The following PHLPP2 variants were observed in gnomAD, a reference collection of about 807,000 sequenced individuals.
PHLPP2 encodes the protein PH domain and leucine rich repeat protein phosphatase 2, also known as PH domain leucine-rich repeat-containing protein phosphatase 2.
Under a neutral mutation model 124.9 loss-of-function variants are expected in PHLPP2, and 66 were observed. The ratio of observed to expected loss-of-function variants is 0.53; its 90% CI spans 0.43 to 0.65. The LOEUF is 0.65. Among genes scored for constraint, PHLPP2 ranks in the 30% least tolerant of loss-of-function variants. PHLPP2 has a pLI of 0.00. For synonymous variants in PHLPP2, 681 were observed against 624.7 expected (o/e 1.09, Z -1.34); for missense variants, 1,685 against 1,600.4 (o/e 1.05, Z -0.90).
chr16:71,691,460 CAAATAAATAAAT>C (rs57388026), intron 3 of PHLPP2, among the ~76,000 whole-genome samples: 21,277 of 139,336 alleles, frequency 0.15, 1,906 homozygotes, highest in African/African-American at 0.23. Flanking sequence ...GACGCTGTCT[CAAATAAATAAAT>C]AAATAAATAA....
At chr16:71,660,655 C>A (rs1024287763) in intron 13 of PHLPP2, among the ~76,000 whole-genome samples, 1 of 152,000 alleles carries the variant, frequency 6.6e-6, no homozygotes, top group Non-Finnish European at 1.5e-5. Flanking sequence ...CTGCCCACCT[C>A]GGCCTCCCAA....
chr16:71,655,379 A>G lies in PHLPP2; in HGVS notation c.2446T>C (p.Tyr816His), dbSNP rs1177479709. Residue 816 changes from tyrosine (Y) to histidine (H), a missense_variant, in exon 17 of 19, where the codon TAT (tyrosine) becomes CAT (histidine). Transcript: ENST00000568954. Reference protein sequence around the residue: ...DSFAEGVGAVYGMFDGDRNEE... With the variant: ...DSFAEGVGAVHGMFDGDRNEE... ...TTTCGGTCTCCATCAAACATGCCAT[A>G]CACAGCTCCCACCCCCTCTGCAAAG... 7 of 1,614,036 alleles carry G rather than the reference A, an allele frequency of 4.3e-6. No individual in the cohort carries two copies. The highest frequency in any genetic ancestry group is 5.9e-6 in the Non-Finnish European group (7 of 1,180,014).
At chr16:71,717,024 C>T (rs1280090880) in intron 1 of PHLPP2, among the ~76,000 whole-genome samples, 1 of 152,186 alleles carries the variant, frequency 6.6e-6, no homozygotes, top group African/African-American at 2.4e-5. Flanking sequence ...GCTGACATCA[C>T]AGAAACCTAT....
intron 10 of PHLPP2, 56 bp downstream of exon 10, chr16:71,672,206 C>T: frequency 2.3e-6 from 3 of 1,311,266 alleles, no homozygotes; most frequent in Non-Finnish European, 2.2e-6. Context: ...CCAAAAAATC[C>T]ACATGTATCT....
At chr16:71,717,569 C>A (rs1175281001) in intron 1 of PHLPP2, among the ~76,000 whole-genome samples, 3 of 152,078 alleles carry the variant, frequency 2.0e-5, no homozygotes, top group African/African-American at 7.2e-5. Flanking sequence ...AACATAGGGA[C>A]CATCGTATTT....
intron 16 of PHLPP2, among the ~76,000 whole-genome samples, chr16:71,656,129 G>C (rs1239611701): frequency 6.6e-6 from 1 of 152,114 alleles, no homozygotes; most frequent in Non-Finnish European, 1.5e-5. Flanking sequence ...TGGAACCCCG[G>C]GGTATACAGG....
rs1218301173 is a variant in PHLPP2 at position 71,690,722 on chromosome 16, T to C, written c.419-13A>G. 3 of 1,578,358 alleles carry C rather than the reference T, an allele frequency of 1.9e-6. No individual in the cohort carries two copies. Among genetic ancestry groups the C allele is most frequent in the African/African-American group, 2.7e-5 (2 of 74,042 alleles). On this transcript the variant is annotated splice_polypyrimidine_tract_variant and intron_variant, in intron 3 of 18. Coordinates refer to ENST00000568954, the MANE Select transcript of PHLPP2 (RefSeq NM_015020.3). The stretch of plus-strand genomic sequence containing the variant: ...TGGCATGGTTTTTCTGAAAAGGAAA[T>C]AATACTTCAGAATCCACCATTAAAG...
In PHLPP2 at chr16:71,714,598, A is replaced by C. The variant is rs769923208; in HGVS notation, c.198T>G (p.Leu66=). Residue 66 remains leucine (L), a synonymous_variant, in exon 2 of 19, where the codon CTT becomes CTG. Transcript: ENST00000568954. ...SSSSSDLHLV[L]CTVETPASEI... is the part of the protein sequence containing the mutation. ...CTGATGCTGGTGTCTCTACAGTGCA[A>C]AGGACGAGATGTAAGTCAGAGGAAG... 4 of 1,613,980 alleles carry C rather than the reference A, an allele frequency of 2.5e-6. No individual in the cohort carries two copies. The East Asian group carries it at 8.9e-5, about 36-fold the overall frequency.
intron 4 of PHLPP2, 33 bp from the exon 5 acceptor site, chr16:71,684,634 C>T (rs1332339575): frequency 6.5e-7 from 1 of 1,544,284 alleles, no homozygotes. Context: ...ACCAGAACCA[C>T]TAAAAAAAAA....
At chr16:71,714,479 G>T in intron 2 of PHLPP2, 33 bp downstream of exon 2, 1 of 1,544,314 alleles carries the variant, frequency 6.5e-7, no homozygotes, top group Non-Finnish European at 8.7e-7. Flanking sequence ...TTTATATTAC[G>T]GTAGAATTAG....
At chr16:71,668,154 G>A (rs1204098140) in intron 11 of PHLPP2, among the ~76,000 whole-genome samples, 1 of 152,076 alleles carries the variant, frequency 6.6e-6, no homozygotes. Flanking sequence ...GCTCATGCCT[G>A]TAATCCCAGC....
In PHLPP2 at chr16:71,648,732, T is replaced by C. The variant is rs964618493; in HGVS notation, c.*158A>G. Reference sequence around the variant, plus strand: ...GCTGCAGTGACCCGAGACCCCACCATTGCACTCCAGCCTGAGCGACTGAGC... The same window carrying C: ...GCTGCAGTGACCCGAGACCCCACCACTGCACTCCAGCCTGAGCGACTGAGC... On this transcript the variant is annotated 3_prime_UTR_variant, in exon 19 of 19. Coordinates refer to ENST00000568954, the MANE Select transcript of PHLPP2 (RefSeq NM_015020.3). 54 of 620,800 alleles carry C rather than the reference T, an allele frequency of 8.7e-5. No homozygotes were observed. Among genetic ancestry groups the C allele is most frequent in the Admixed American group, 3.4e-4 (12 of 35,060 alleles). 38.5% of individuals were successfully genotyped at this position (620,800 alleles called of 1,614,324 possible).
intron 5 of PHLPP2, among the ~76,000 whole-genome samples, chr16:71,683,893 C>A (rs1378501547): frequency 6.6e-6 from 1 of 151,950 alleles, no homozygotes; most frequent in Non-Finnish European, 1.5e-5. Flanking sequence ...TGGGTTCAAG[C>A]GATTCTCCTG....
intron 8 of PHLPP2, chr16:71,678,453 C>G: frequency 3.5e-6 from 1 of 282,906 alleles, no homozygotes; most frequent in Non-Finnish European, 6.7e-6. Context: ...GCCTGCACAA[C>G]ATGGTGAAAC....
rs377031460 is a variant in PHLPP2, at chr16:71,724,653, C to G, written c.-331G>C. The G allele has an allele frequency of 6.6e-6, 1 of 152,266 alleles. No individual in the cohort carries two copies. The highest frequency in any genetic ancestry group is 1.5e-5 in the Non-Finnish European group (1 of 68,086). The allele number at this position is 152,266 out of a possible 1,614,324, so 9.4% of individuals were successfully genotyped here. On this transcript the variant is annotated 5_prime_UTR_variant, in exon 1 of 19. Transcript: ENST00000568954. ...TGGGCCAAATTTGGAGTCAGCCAGC[C>G]TGTTTCCAGATCTCCCCTCTGCCCT...
chr16:71,661,224 C>T, intron 13 of PHLPP2, among the ~76,000 whole-genome samples: 1 of 151,818 alleles, frequency 6.6e-6, no homozygotes, highest in Admixed American at 6.6e-5. Context: ...GCACACAACA[C>T]CACACTCAGC....
At chr16:71,691,069 A>G (rs560172826) in intron 3 of PHLPP2, among the ~76,000 whole-genome samples, 1 of 152,288 alleles carries the variant, frequency 6.6e-6, no homozygotes, top group East Asian at 1.9e-4. Context: ...CACTTTGTTT[A>G]CTTGAACTAT....
At position 71,714,648 on chromosome 16, in the gene PHLPP2, A is replaced by AGGT. The variant is rs753937652; in HGVS notation, c.145_147dup (p.Thr49dup). 1.7e-5 allele frequency: 27 copies of AGGT among 1,613,322 alleles called. No homozygotes were observed. The highest frequency in any genetic ancestry group is 2.3e-5 in the Non-Finnish European group (27 of 1,179,410). On this transcript the variant is annotated inframe_insertion, in exon 2 of 19. Transcript: ENST00000568954. The stretch of plus-strand genomic sequence containing the variant: ...GAGGAGGAGGAGGAAGAGGAAGAGG[A>AGGT]GGTGGTGGTGGTTGTAGTGGCAGTG...
chr16:71,692,894 T>C (rs531739226), intron 3 of PHLPP2, among the ~76,000 whole-genome samples: 114 of 152,300 alleles, frequency 7.5e-4, no homozygotes, highest in African/African-American at 2.5e-3. Context: ...AAATTCCACC[T>C]TCCTCAGAGA....
Sources: gnomAD v4.1 joint callset for allele counts (sites outside exome capture counted in the v4.1 genomes callset) on GRCh38, gnomAD v4.1.1 for gene constraint, MANE v1.5 for transcripts, NCBI Gene and HGNC (gene_info 2026-07-23, HGNC 2026-07-21) for gene names.